Variants in CLEC2L observed in about 807,000 individuals in gnomAD.
CLEC2L encodes the protein C-type lectin domain family 2 member L, also known as C-type lectin domain family 2, member L.
Under a neutral mutation model 23.6 loss-of-function variants are expected in CLEC2L, and 14 were observed. The observed-to-expected ratio is 0.59, with a 90% CI of 0.39 to 0.93. The LOEUF (loss-of-function observed/expected upper bound fraction) is 0.93. CLEC2L is among the 40% of genes least tolerant of loss of function. The pLI is 0.00. For missense variants in CLEC2L, 264 were observed against 282.4 expected (o/e 0.93, Z 0.47); for synonymous variants, 114 against 121.3 (o/e 0.94, Z 0.40).
intron 4 of CLEC2L, 63 bp downstream of exon 4, chr7:139,542,184 T>G: frequency 1.8e-6 from 2 of 1,085,670 alleles, no homozygotes; most frequent in South Asian, 2.8e-5. Context: ...ACTCACCCCC[T>G]GGACACAACT....
intron 1 of CLEC2L, among the ~76,000 whole-genome samples, chr7:139,535,805 C>A (rs1484670003): frequency 6.6e-6 from 1 of 152,126 alleles, no homozygotes; most frequent in Non-Finnish European, 1.5e-5. Flanking sequence ...TTTTGAGGAA[C>A]CCATGCGGCT....
chr7:139,533,897 G>A (rs763784338), intron 1 of CLEC2L, among the ~76,000 whole-genome samples: 8 of 152,084 alleles, frequency 5.3e-5, no homozygotes, highest in Non-Finnish European at 1.2e-4. Context: ...AGCTGCAGAG[G>A]CACTGTTTTC....
intron 2 of CLEC2L, among the ~76,000 whole-genome samples, chr7:139,536,765 A>G (rs994915537): frequency 2.6e-5 from 4 of 151,978 alleles, no homozygotes; most frequent in African/African-American, 9.7e-5. Flanking sequence ...ACCTGAGGTC[A>G]GGAGTTTGAG....
At chr7:139,532,740 T>G (rs186765194) in intron 1 of CLEC2L, among the ~76,000 whole-genome samples, 114 of 152,268 alleles carry the variant, frequency 7.5e-4, no homozygotes, top group African/African-American at 2.6e-3. Context: ...CTCCGCTATG[T>G]GAGGACTCAG....
At chr7:139,542,227 T>G in intron 4 of CLEC2L, 106 bp downstream of exon 4, 1 of 700,220 alleles carries the variant, frequency 1.4e-6, no homozygotes, top group Non-Finnish European at 2.4e-6. Context: ...TTGTGCTAGC[T>G]AGAGATACTA....
Position 139,537,501 on chromosome 7 carries a change from C to G in CLEC2L, c.265+1153C>G, listed in dbSNP as rs138388217. Among the ~76,000 whole-genome samples, 93 of 152,172 alleles carry G rather than the reference C, an allele frequency of 6.1e-4. 1 individual carries two copies. The highest frequency in any genetic ancestry group is 3.4e-3 in the Middle Eastern group (1 of 294). ...ATAGAGGAACAATGGGAGATAAAGGCTATTTTGGTAAGGTTTGCTTGTGCA... is the reference window on the plus strand; with the variant it reads ...ATAGAGGAACAATGGGAGATAAAGGGTATTTTGGTAAGGTTTGCTTGTGCA... On this transcript the variant is annotated intron_variant, in intron 2 of 4. Transcript: ENST00000422142.
At chr7:139,535,442 G>A (rs1373999409) in intron 1 of CLEC2L, among the ~76,000 whole-genome samples, 1 of 152,162 alleles carries the variant, frequency 6.6e-6, no homozygotes, top group African/African-American at 2.4e-5. Context: ...CAAACAGACA[G>A]TGATGATGGT....
intron 1 of CLEC2L, among the ~76,000 whole-genome samples, chr7:139,534,952 G>C (rs1252187421): frequency 7.0e-6 from 1 of 143,788 alleles, no homozygotes; most frequent in African/African-American, 2.7e-5. Context: ...ATAAATAAGT[G>C]TTCTTTAGTA....
At position 139,525,262 on chromosome 7, in the gene CLEC2L, G is replaced by GGGTGGGGCAGTGGACCA. The variant is rs373623262; in HGVS notation, c.190+1148_190+1164dup. 1.5e-3 allele frequency among the ~76,000 whole-genome samples: 228 copies of GGGTGGGGCAGTGGACCA among 152,154 alleles called. 2 individuals are homozygous for GGGTGGGGCAGTGGACCA. The highest frequency in any genetic ancestry group is 6.8e-3 in the Middle Eastern group (2 of 294). On this transcript the variant is annotated intron_variant, in intron 1 of 4. Coordinates refer to ENST00000422142, the MANE Select transcript of CLEC2L (RefSeq NM_001080511.4). Reference sequence around the variant, plus strand: ...GGACCCAGGCTCGAGGTCAGGGAGGGGGTGGGGCAGTGGACCAGGAGGGAC... The same window carrying GGGTGGGGCAGTGGACCA: ...GGACCCAGGCTCGAGGTCAGGGAGGGGGTGGGGCAGTGGACCAGGTGGGGCAGTGGACCAGGAGGGAC...
At position 139,544,605 on chromosome 7, in the gene CLEC2L, A is replaced by G; in HGVS notation, c.*263A>G. On this transcript the variant is annotated 3_prime_UTR_variant, in exon 5 of 5. Transcript: ENST00000422142. ...GGCATCTGCCCACCTACACACACAC[A>G]CATGCATAGGTACACGCACGCACAG... The G allele has an allele frequency of 1.9e-6, 1 of 516,938 alleles. No individual in the cohort carries two copies. Among genetic ancestry groups the G allele is most frequent in the South Asian group, 2.3e-5 (1 of 44,040 alleles). The allele number at this position is 516,938 out of a possible 1,614,324, so 32.0% of individuals were successfully genotyped here.
At chr7:139,541,162 C>A (rs1235168535) in intron 3 of CLEC2L, among the ~76,000 whole-genome samples, 1 of 152,016 alleles carries the variant, frequency 6.6e-6, no homozygotes, top group Non-Finnish European at 1.5e-5. Context: ...CTGTGCACCA[C>A]CATGCCTGGC....
chr7:139,532,732 C>A (rs73477428), intron 1 of CLEC2L, among the ~76,000 whole-genome samples: 9,244 of 152,182 alleles, frequency 0.061, 446 homozygotes, highest in African/African-American at 0.13. Context: ...CTTCCTCTCT[C>A]CGCTATGTGA....
At position 139,544,212 on chromosome 7, in the gene CLEC2L, T is replaced by C. The variant is rs1424666243; in HGVS notation, c.534-19T>C. 1 of 1,588,348 alleles carries C rather than the reference T, an allele frequency of 6.3e-7. No individual in the cohort carries two copies. The highest frequency in any genetic ancestry group is 1.7e-5 in the Admixed American group (1 of 58,692). ...AATGTTCCAGATCATAAACGCCTGG[T>C]CTTCTCTCCTGGCCACAGGTTCACC... On this transcript the variant is annotated intron_variant, in intron 4 of 4. Transcript: ENST00000422142.
At chr7:139,538,751 A>C (rs1219808645) in intron 2 of CLEC2L, among the ~76,000 whole-genome samples, 2 of 120,518 alleles carry the variant, frequency 1.7e-5, no homozygotes, top group Non-Finnish European at 3.4e-5. Flanking sequence ...TCCATCTCAA[A>C]AAAACAAAAC....
intron 2 of CLEC2L, 34 bp downstream of exon 2, chr7:139,536,382 G>A (rs778379017): frequency 9.8e-6 from 15 of 1,524,232 alleles, no homozygotes; most frequent in Non-Finnish European, 1.3e-5. Flanking sequence ...TATGCATTCA[G>A]TTTGCACATT....
intron 4 of CLEC2L, among the ~76,000 whole-genome samples, 178 bp downstream of exon 4, chr7:139,542,299 C>A (rs904559521): frequency 2.0e-5 from 3 of 152,196 alleles, no homozygotes; most frequent in Non-Finnish European, 4.4e-5. Flanking sequence ...ACTTCTCCCT[C>A]TCTCATAAAA....
chr7:139,542,074 T>G lies in CLEC2L; in HGVS notation c.486T>G (p.Val162=), dbSNP rs1391557970. Residue 162 remains valine, a synonymous_variant, in exon 4 of 5, where the codon GTT becomes GTG. Coordinates refer to ENST00000422142, the MANE Select transcript of CLEC2L (RefSeq NM_001080511.4). ...RREPWIGLRR[V]GDEFHWVNGD... ...AGCCCTGGATTGGACTACGCAGAGTTGGGGACGAATTCCACTGGGTCAACG... is the reference window on the plus strand; with the variant it reads ...AGCCCTGGATTGGACTACGCAGAGTGGGGGACGAATTCCACTGGGTCAACG... 4 of 1,613,192 alleles carry G rather than the reference T, an allele frequency of 2.5e-6. No homozygotes were observed. Among genetic ancestry groups the G allele is most frequent in the Non-Finnish European group, 3.4e-6 (4 of 1,179,636 alleles).
chr7:139,523,887 C>T lies in CLEC2L; in HGVS notation c.-41C>T, dbSNP rs1315803430. 1.0e-6 allele frequency: 1 copy of T among 977,578 alleles called. No individual in the cohort carries two copies. The highest frequency in any genetic ancestry group is 1.2e-6 in the Non-Finnish European group (1 of 825,986). 60.6% of individuals were successfully genotyped at this position (977,578 alleles called of 1,614,324 possible). ...TGCGCGTCGGGCTGGGCCCCGCACC[C>T]CGGTGCAGGAGCGCGGGCGCGGCGC... On this transcript the variant is annotated 5_prime_UTR_variant, in exon 1 of 5. Coordinates refer to ENST00000422142, the MANE Select transcript of CLEC2L (RefSeq NM_001080511.4). This position sits in a 1 kb window ranked among gnomAD's most constrained non-coding sequence, Gnocchi z 4.1.
chr7:139,523,889 G>A lies in CLEC2L; in HGVS notation c.-39G>A. 1 of 978,080 alleles carries A rather than the reference G, an allele frequency of 1.0e-6. No individual in the cohort carries two copies. Among genetic ancestry groups the A allele is most frequent in the Non-Finnish European group, 1.2e-6 (1 of 826,410 alleles). 60.6% of individuals were successfully genotyped at this position (978,080 alleles called of 1,614,324 possible). ...CGCGTCGGGCTGGGCCCCGCACCCCGGTGCAGGAGCGCGGGCGCGGCGCGG... is the reference window on the plus strand; with the variant it reads ...CGCGTCGGGCTGGGCCCCGCACCCCAGTGCAGGAGCGCGGGCGCGGCGCGG... On this transcript the variant is annotated 5_prime_UTR_variant, in exon 1 of 5. Transcript: ENST00000422142. This position sits in a 1 kb window ranked among gnomAD's most constrained non-coding sequence, Gnocchi z 4.1.
Sources: allele counts gnomAD v4.1 joint callset (sites outside exome capture counted in the v4.1 genomes callset), GRCh38; gene constraint gnomAD v4.1.1; non-coding constraint Gnocchi (gnomAD v3.1); transcripts MANE v1.5; gene names NCBI Gene and HGNC (gene_info 2026-07-23, HGNC 2026-07-21).